The following PTGFRN variants were observed in gnomAD, a reference collection of about 807,000 sequenced individuals.
PTGFRN encodes prostaglandin F2 receptor negative regulator.
PTGFRN carries 35 observed loss-of-function variants against 83.2 expected under a neutral mutation model. The ratio of observed to expected loss-of-function variants is 0.42; its 90% CI spans 0.32 to 0.56. The LOEUF (loss-of-function observed/expected upper bound fraction) is 0.56. Among genes scored for constraint, PTGFRN ranks in the 20% least tolerant of loss-of-function variants. The probability of loss-of-function intolerance (pLI) is 0.11; values close to 1 mark genes in which losing one functional copy is unlikely to be tolerated. For synonymous variants in PTGFRN, 519 were observed against 498.6 expected, an observed-to-expected ratio of 1.04 and a Z score of -0.55; for missense variants, 1,051 against 1,179.5, an observed-to-expected ratio of 0.89 and a Z score of 1.60.
chr1:116,944,013 G>A (rs1017499877), intron 2 of PTGFRN, among the ~76,000 whole-genome samples: 9 of 151,994 alleles, frequency 5.9e-5, no homozygotes, highest in Admixed American at 5.2e-4. Context: ...CTTGATCGCC[G>A]TCCCCTTTTT....
chr1:116,921,988 C>T (rs1447650509), intron 1 of PTGFRN, among the ~76,000 whole-genome samples: 1 of 152,100 alleles, frequency 6.6e-6, no homozygotes, highest in Non-Finnish European at 1.5e-5. Context: ...GTTGGTGTCC[C>T]ATTTGGGGAT....
chr1:116,981,702 T>G (rs1651323715), intron 7 of PTGFRN, among the ~76,000 whole-genome samples: 1 of 152,268 alleles, frequency 6.6e-6, no homozygotes, highest in East Asian at 1.9e-4. Flanking sequence ...AGATGGCGTT[T>G]GTGGCAACTA....
Position 116,912,343 on chromosome 1 carries a change from C to T in PTGFRN, c.49+2091C>T, listed in dbSNP as rs1337637519. On this transcript the variant is annotated intron_variant, in intron 1 of 8. Coordinates refer to ENST00000393203, the MANE Select transcript of PTGFRN (RefSeq NM_020440.4). ...CACAGAATCTCACTCGGTGTGGCTT[C>T]AGCCTGACCTCTGGGAAGGTCTCGC... is the stretch of plus-strand genomic sequence containing the variant. 3.3e-5 allele frequency among the ~76,000 whole-genome samples: 5 copies of T among 152,220 alleles called. No individual in the cohort carries two copies. The East Asian group carries it at 9.6e-4, about 29-fold the overall frequency.
intron 6 of PTGFRN, among the ~76,000 whole-genome samples, chr1:116,971,947 C>T (rs1458330980): frequency 1.3e-5 from 2 of 152,180 alleles, no homozygotes; most frequent in Non-Finnish European, 2.9e-5. Flanking sequence ...AAAAGCCCCT[C>T]AGTGTAGTTC....
chr1:116,934,071 A>G (rs1275373476), intron 1 of PTGFRN, among the ~76,000 whole-genome samples: 1 of 151,788 alleles, frequency 6.6e-6, no homozygotes, highest in Non-Finnish European at 1.5e-5. Context: ...TGGCTTTTTT[A>G]GTTCTTTTTT....
At chr1:116,966,835 G>A in intron 5 of PTGFRN, 76 bp from the exon 6 acceptor site, 2 of 1,442,974 alleles carry the variant, frequency 1.4e-6, no homozygotes, top group East Asian at 2.3e-5. Flanking sequence ...CTGTTTCTTG[G>A]TTATTTTGCT....
Position 116,989,581 on chromosome 1 carries a change from T to C in PTGFRN, c.*2614T>C, listed in dbSNP as rs1651646543. 1 of 152,640 alleles carries C rather than the reference T, an allele frequency of 6.6e-6. No individual in the cohort carries two copies. Among genetic ancestry groups the C allele is most frequent in the African/African-American group, 2.4e-5 (1 of 41,452 alleles). The allele number at this position is 152,640 out of a possible 1,614,324, so 9.5% of individuals were successfully genotyped here. On this transcript the variant is annotated 3_prime_UTR_variant, in exon 9 of 9. Coordinates refer to ENST00000393203, the MANE Select transcript of PTGFRN (RefSeq NM_020440.4). ...CACTTCTTAACAAAAAGGAACTTTA[T>C]AAAAGTTTGGGATTTTTTTTCCTAA...
At position 116,970,076 on chromosome 1, in the gene PTGFRN, A is replaced by G. The variant is rs942096940; in HGVS notation, c.2059+2746A>G. On this transcript the variant is annotated intron_variant, in intron 6 of 8. Transcript: ENST00000393203. ...GTTTTACTTCTCTCTTCCAAGCTGA[A>G]TATCTTCTATTTCTTTTTCTCGAGT... Among the ~76,000 whole-genome samples, 4 of 152,314 alleles carry G rather than the reference A, an allele frequency of 2.6e-5. No homozygotes were observed. In the South Asian group the frequency reaches 6.2e-4, roughly 24 times the overall value.
At chr1:116,972,535 A>G (rs894608609) in intron 6 of PTGFRN, among the ~76,000 whole-genome samples, 2 of 152,198 alleles carry the variant, frequency 1.3e-5, no homozygotes, top group Admixed American at 6.5e-5. Context: ...TCCCTCTGTC[A>G]TGGCCATTTC....
chr1:116,946,493 A>G (rs1000427009), intron 3 of PTGFRN, among the ~76,000 whole-genome samples: 1 of 152,044 alleles, frequency 6.6e-6, no homozygotes, highest in Non-Finnish European at 1.5e-5. Flanking sequence ...GCATCAAACA[A>G]CTCTTAAGAG....
intron 1 of PTGFRN, among the ~76,000 whole-genome samples, chr1:116,929,416 T>TA (rs745947697): frequency 9.8e-4 from 150 of 152,344 alleles, no homozygotes; most frequent in Non-Finnish European, 9.3e-4. Flanking sequence ...ACAAAGAAAG[T>TA]AGGCTCTATC....
intron 3 of PTGFRN, 77 bp from the exon 4 acceptor site, chr1:116,949,115 A>G: frequency 6.7e-7 from 1 of 1,487,020 alleles, no homozygotes; most frequent in Non-Finnish European, 9.0e-7. Context: ...TTAAAAGGAG[A>G]TGCTTTAAAG....
intron 5 of PTGFRN, among the ~76,000 whole-genome samples, chr1:116,963,613 T>A (rs954450053): frequency 1.3e-4 from 20 of 152,130 alleles, no homozygotes; most frequent in Admixed American, 1.3e-4. Context: ...GTTTTAGTTT[T>A]GTTTTGTTTT....
chr1:116,967,447 TG>T, intron 6 of PTGFRN, 117 bp downstream of exon 6: 1 of 1,058,162 alleles, frequency 9.5e-7, no homozygotes, highest in Non-Finnish European at 1.3e-6. Context: ...TGCCATACAA[TG>T]TACCTGTTTA....
At chr1:116,956,528 T>C (rs569024412) in intron 4 of PTGFRN, among the ~76,000 whole-genome samples, 1 of 152,222 alleles carries the variant, frequency 6.6e-6, no homozygotes, top group South Asian at 2.1e-4. Flanking sequence ...ATCGAGCAGG[T>C]GGCCCAGGTG....
At chr1:116,953,433 G>A (rs535458734) in intron 4 of PTGFRN, among the ~76,000 whole-genome samples, 6 of 152,278 alleles carry the variant, frequency 3.9e-5, no homozygotes, top group African/African-American at 1.4e-4. Context: ...CAGGAGACAT[G>A]TGTTAGTCCT....
intron 1 of PTGFRN, among the ~76,000 whole-genome samples, chr1:116,920,374 T>A (rs976105841): frequency 6.6e-6 from 1 of 152,252 alleles, no homozygotes; most frequent in South Asian, 2.1e-4. Context: ...TTTTCTTTTA[T>A]GTGTGCAAGT....
chr1:116,925,212 G>C (rs753451), intron 1 of PTGFRN, among the ~76,000 whole-genome samples: 1 of 151,960 alleles, frequency 6.6e-6, no homozygotes, highest in Admixed American at 6.5e-5. Flanking sequence ...CGGATCGCTT[G>C]AGGCCAGAAG....
At chr1:116,956,901 C>A (rs1570665812) in intron 4 of PTGFRN, among the ~76,000 whole-genome samples, 2 of 151,956 alleles carry the variant, frequency 1.3e-5, no homozygotes, top group East Asian at 1.9e-4. Context: ...GGCCTGAGAA[C>A]AAAGAAATGG....
Sources: gnomAD v4.1 joint callset for allele counts (sites outside exome capture counted in the v4.1 genomes callset) on GRCh38, gnomAD v4.1.1 for gene constraint, MANE v1.5 for transcripts, NCBI Gene and HGNC (gene_info 2026-07-23, HGNC 2026-07-21) for gene names.